Variants in DNER observed in about 807,000 individuals in gnomAD.
DNER encodes delta and Notch-like epidermal growth factor-related receptor.
Under a neutral mutation model 78.2 loss-of-function variants are expected in DNER, and 33 were observed. The observed-to-expected ratio is 0.42, with a 90% CI of 0.32 to 0.56. DNER has a LOEUF of 0.56. Ranked by LOEUF, DNER falls within the 20% of genes least tolerant of loss-of-function variation. The pLI is 0.11. For missense variants in DNER, 918 were observed against 975.3 expected, an observed-to-expected ratio of 0.94 and a Z score of 0.78; for synonymous variants, 417 against 384.8, an observed-to-expected ratio of 1.08 and a Z score of -0.98.
intron 8 of DNER, among the ~76,000 whole-genome samples, chr2:229,447,077 T>C (rs1190404260): frequency 1.3e-5 from 2 of 152,184 alleles, no homozygotes; most frequent in East Asian, 3.8e-4. Context: ...CATGAAATGA[T>C]GAAAGAGTAT....
intron 4 of DNER, among the ~76,000 whole-genome samples, chr2:229,551,662 A>G (rs141956252): frequency 0.03 from 4,483 of 151,866 alleles, 195 homozygotes; most frequent in African/African-American, 0.095. Flanking sequence ...GGAAGGGCGC[A>G]GTGGCTCATG....
chr2:229,565,166 A>T (rs1347687055), intron 4 of DNER, among the ~76,000 whole-genome samples: 1 of 152,242 alleles, frequency 6.6e-6, no homozygotes, highest in Non-Finnish European at 1.5e-5. Flanking sequence ...TAGAATTGTT[A>T]GAAGTCTGAG....
rs1017655124 is a variant in DNER, at chr2:229,599,036, C to T, written c.277-7148G>A. ...GCAAAGGCATCCAGGGGGAATGGGA[C>T]GGTGCTTGAGGAAACCAAATGTGAC... On this transcript the variant is annotated intron_variant, in intron 1 of 12. Transcript: ENST00000341772. Among the ~76,000 whole-genome samples the T allele has an allele frequency of 5.9e-5, 9 of 152,046 alleles. No homozygotes were observed. In the South Asian group the frequency reaches 6.2e-4, roughly 10 times the overall value.
chr2:229,663,282 G>T (rs1699037827), intron 1 of DNER, among the ~76,000 whole-genome samples: 1 of 152,308 alleles, frequency 6.6e-6, no homozygotes, highest in African/African-American at 2.4e-5. Flanking sequence ...ACTATGTTAT[G>T]CTGCAAGTCA....
intron 1 of DNER, among the ~76,000 whole-genome samples, chr2:229,632,138 A>G (rs1160604793): frequency 6.6e-6 from 1 of 152,218 alleles, no homozygotes; most frequent in Non-Finnish European, 1.5e-5. Context: ...AGAAGATACC[A>G]CTTTTAGCTG....
chr2:229,653,544 A>G (rs972717012), intron 1 of DNER, among the ~76,000 whole-genome samples: 1 of 152,170 alleles, frequency 6.6e-6, no homozygotes, highest in African/African-American at 2.4e-5. Flanking sequence ...TTATAAACAC[A>G]TATGCACCAA....
chr2:229,462,530 T>C (rs1486713273), intron 7 of DNER, among the ~76,000 whole-genome samples: 1 of 152,024 alleles, frequency 6.6e-6, no homozygotes, highest in Non-Finnish European at 1.5e-5. Context: ...CCAAAATACA[T>C]CATGAACCCA....
intron 1 of DNER, among the ~76,000 whole-genome samples, chr2:229,712,828 C>T (rs1305285219): frequency 3.3e-5 from 5 of 152,084 alleles, no homozygotes; most frequent in African/African-American, 1.2e-4. Context: ...CTTATTGTAA[C>T]CAGTAAACAA....
intron 10 of DNER, among the ~76,000 whole-genome samples, chr2:229,393,759 A>G (rs1469541221): frequency 6.6e-6 from 1 of 151,818 alleles, no homozygotes; most frequent in African/African-American, 2.4e-5. Context: ...AGGCAGGAGA[A>G]TGGCGTGAAC....
At chr2:229,418,064 C>T in intron 9 of DNER, 44 bp downstream of exon 9, 2 of 1,613,792 alleles carry the variant, frequency 1.2e-6, no homozygotes, top group African/African-American at 2.7e-5. Flanking sequence ...TACATGACGT[C>T]ATTTAGAGCC....
intron 1 of DNER, among the ~76,000 whole-genome samples, chr2:229,665,049 G>A (rs185106260): frequency 6.6e-6 from 1 of 152,266 alleles, no homozygotes; most frequent in Admixed American, 6.5e-5. Flanking sequence ...CTAAGAACCA[G>A]TTTATCAGGT....
chr2:229,457,152 CACTACAAAAAT>C, intron 7 of DNER, among the ~76,000 whole-genome samples: 1 of 152,050 alleles, frequency 6.6e-6, no homozygotes, highest in South Asian at 2.1e-4. Context: ...GATCTAGCCA[CACTACAAAAAT>C]ACTAAAGAAA....
intron 1 of DNER, among the ~76,000 whole-genome samples, chr2:229,634,414 CTTAACAAAT>C (rs1559190062): frequency 1.2e-4 from 18 of 152,118 alleles, no homozygotes. Context: ...GCATTTCTCA[CTTAACAAAT>C]TTGAGGAAAT....
intron 4 of DNER, among the ~76,000 whole-genome samples, chr2:229,575,203 A>T (rs1245675368): frequency 6.6e-6 from 1 of 152,144 alleles, no homozygotes. Flanking sequence ...AATGAGGCAG[A>T]ATGAGGAAGG....
At chr2:229,574,390 A>G (rs1204890108) in intron 4 of DNER, among the ~76,000 whole-genome samples, 3 of 152,204 alleles carry the variant, frequency 2.0e-5, no homozygotes, top group Non-Finnish European at 2.9e-5. Context: ...TAGTACATTG[A>G]TTCAATGGAA....
chr2:229,590,694 T>C (rs1448514660), intron 2 of DNER, among the ~76,000 whole-genome samples: 2 of 152,216 alleles, frequency 1.3e-5, no homozygotes, highest in African/African-American at 4.8e-5. Flanking sequence ...AGACGCGGGC[T>C]GTGAAGAAAC....
At chr2:229,405,714 C>T (rs986675243) in intron 10 of DNER, among the ~76,000 whole-genome samples, 2 of 152,132 alleles carry the variant, frequency 1.3e-5, no homozygotes, top group Non-Finnish European at 2.9e-5. Context: ...ACACTATATA[C>T]TACACACACA....
At chr2:229,505,884 T>C (rs939872502) in intron 6 of DNER, among the ~76,000 whole-genome samples, 3 of 152,228 alleles carry the variant, frequency 2.0e-5, no homozygotes, top group African/African-American at 4.8e-5. Context: ...CAATCTGCAA[T>C]ATTCAGAAAA....
intron 11 of DNER, among the ~76,000 whole-genome samples, chr2:229,372,966 A>G (rs2106328855): frequency 6.6e-6 from 1 of 152,302 alleles, no homozygotes; most frequent in Non-Finnish European, 1.5e-5. Flanking sequence ...TGAGACGACC[A>G]GATTTGAGAG....
Sources: allele counts gnomAD v4.1 joint callset (sites outside exome capture counted in the v4.1 genomes callset), GRCh38; gene constraint gnomAD v4.1.1; transcripts MANE v1.5; gene names NCBI Gene and HGNC (gene_info 2026-07-23, HGNC 2026-07-21).